PCDH9: variants seen among roughly 807,000 people sequenced by gnomAD.
The protein encoded by PCDH9 is protocadherin 9.
In PCDH9, 24 loss-of-function variants were observed where a neutral mutation model predicts 70.6. The observed-to-expected ratio is 0.34, with a 90% CI of 0.25 to 0.48. The LOEUF is 0.48. Ranked by LOEUF, PCDH9 falls within the 20% of genes least tolerant of loss-of-function variation. PCDH9 has a pLI of 0.99. For synonymous variants in PCDH9, 562 were observed against 558.5 expected (o/e 1.01, Z -0.09); for missense variants, 1,281 against 1,503.6 (o/e 0.85, Z 2.45).
intron 4 of PCDH9, among the ~76,000 whole-genome samples, chr13:66,626,871 C>A: frequency 6.6e-6 from 1 of 150,954 alleles, no homozygotes; most frequent in Non-Finnish European, 1.5e-5. Context: ...AATATAAAAT[C>A]GATAATACTA....
chr13:67,049,689 A>T (rs1466665751), intron 2 of PCDH9, among the ~76,000 whole-genome samples: 1 of 152,192 alleles, frequency 6.6e-6, no homozygotes, highest in African/African-American at 2.4e-5. Flanking sequence ...TTAAATTTTC[A>T]AACAAAGGAG....
intron 4 of PCDH9, 72 bp downstream of exon 4, chr13:66,631,135 AATT>A: frequency 1.3e-6 from 1 of 758,864 alleles, no homozygotes. Context: ...TGCCCCCTAC[AATT>A]ATTTTTGAAA....
At chr13:66,864,499 T>A (rs543912533) in intron 3 of PCDH9, among the ~76,000 whole-genome samples, 58 of 152,304 alleles carry the variant, frequency 3.8e-4, no homozygotes, top group African/African-American at 1.3e-3. Flanking sequence ...ACAGATGTGA[T>A]TGTGGATGAT....
intron 3 of PCDH9, among the ~76,000 whole-genome samples, chr13:66,846,206 C>G (rs937511287): frequency 6.7e-6 from 1 of 149,084 alleles, no homozygotes; most frequent in Non-Finnish European, 1.5e-5. Context: ...ATACAGGATA[C>G]TGGTATATAT....
chr13:66,446,052 CA>C (rs1958082528), intron 4 of PCDH9, among the ~76,000 whole-genome samples: 1 of 151,482 alleles, frequency 6.6e-6, no homozygotes, highest in African/African-American at 2.4e-5. Context: ...TCCAAAAGTG[CA>C]AAATTGAAAG....
intron 4 of PCDH9, among the ~76,000 whole-genome samples, chr13:66,543,781 T>G (rs1398198832): frequency 2.6e-5 from 4 of 152,020 alleles, no homozygotes; most frequent in Non-Finnish European, 5.9e-5. Flanking sequence ...AATATAGAAA[T>G]GAAACACAGT....
intron 3 of PCDH9, among the ~76,000 whole-genome samples, chr13:66,718,657 C>G (rs755035590): frequency 6.6e-6 from 1 of 152,094 alleles, no homozygotes; most frequent in Non-Finnish European, 1.5e-5. Context: ...TAAGTTACTA[C>G]GTGAATTATA....
chr13:66,574,310 C>T (rs934807548), intron 4 of PCDH9, among the ~76,000 whole-genome samples: 12 of 152,150 alleles, frequency 7.9e-5, no homozygotes, highest in African/African-American at 2.9e-4. Context: ...TGTTTTGCCT[C>T]CCTGCTTCCA....
chr13:67,167,596 C>T (rs1390691740), intron 2 of PCDH9, among the ~76,000 whole-genome samples: 1 of 152,060 alleles, frequency 6.6e-6, no homozygotes, highest in Non-Finnish European at 1.5e-5. Flanking sequence ...TGTTGACATT[C>T]CCTTGTGGCA....
intron 4 of PCDH9, among the ~76,000 whole-genome samples, chr13:66,398,642 A>T (rs1482096988): frequency 1.3e-5 from 2 of 152,176 alleles, no homozygotes; most frequent in Non-Finnish European, 2.9e-5. Context: ...CAAAACTAGC[A>T]TTTTAGTACC....
intron 2 of PCDH9, among the ~76,000 whole-genome samples, chr13:67,127,722 G>GTA (rs1045567193): frequency 3.3e-5 from 5 of 150,036 alleles, no homozygotes; most frequent in South Asian, 2.1e-4. Context: ...GTGTACATAT[G>GTA]TATATATATA....
intron 3 of PCDH9, among the ~76,000 whole-genome samples, chr13:66,686,645 G>A (rs1465155869): frequency 6.6e-6 from 1 of 152,144 alleles, no homozygotes; most frequent in Admixed American, 6.5e-5. Context: ...GAATAAAAGT[G>A]TATAATATTA....
At chr13:66,555,730 G>C (rs1197705938) in intron 4 of PCDH9, among the ~76,000 whole-genome samples, 5 of 93,572 alleles carry the variant, frequency 5.3e-5, no homozygotes, top group African/African-American at 1.8e-4. Context: ...TTCAGCATTA[G>C]CTACTATTAT....
At chr13:66,769,488 T>C (rs942468284) in intron 3 of PCDH9, among the ~76,000 whole-genome samples, 5 of 152,066 alleles carry the variant, frequency 3.3e-5, no homozygotes, top group African/African-American at 1.2e-4. Context: ...CATGGTTTTT[T>C]TTTTTTCAGA....
At chr13:66,818,907 C>A (rs1269606589) in intron 3 of PCDH9, among the ~76,000 whole-genome samples, 1 of 148,588 alleles carries the variant, frequency 6.7e-6, no homozygotes, top group African/African-American at 2.5e-5. Context: ...GCACTCCAGC[C>A]TGGGTGAAAG....
At chr13:66,913,528 C>T (rs903290408) in intron 2 of PCDH9, among the ~76,000 whole-genome samples, 4 of 151,946 alleles carry the variant, frequency 2.6e-5, no homozygotes, top group African/African-American at 9.7e-5. Context: ...GGGCTTGAAC[C>T]TCAGCTCTAT....
chr13:66,567,169 A>G (rs1445172724), intron 4 of PCDH9, among the ~76,000 whole-genome samples: 1 of 152,178 alleles, frequency 6.6e-6, no homozygotes, highest in Non-Finnish European at 1.5e-5. Flanking sequence ...TTCAAGATGC[A>G]TTAAGTATTT....
At chr13:66,809,990 A>G (rs556803820) in intron 3 of PCDH9, among the ~76,000 whole-genome samples, 2 of 152,306 alleles carry the variant, frequency 1.3e-5, no homozygotes, top group South Asian at 4.1e-4. Flanking sequence ...TAAAACAGGT[A>G]CATGAAATGC....
At chr13:66,678,757 A>T (rs4884685) in intron 3 of PCDH9, among the ~76,000 whole-genome samples, 1 of 147,784 alleles carries the variant, frequency 6.8e-6, no homozygotes, top group Non-Finnish European at 1.5e-5. Flanking sequence ...GTAGAAAAAT[A>T]AAAAAAATAT....
Sources: allele counts gnomAD v4.1 joint callset (sites outside exome capture counted in the v4.1 genomes callset), GRCh38; gene constraint gnomAD v4.1.1; transcripts MANE v1.5; gene names NCBI Gene and HGNC (gene_info 2026-07-23, HGNC 2026-07-21).